Variants in MICU1 observed in about 807,000 individuals in gnomAD.
MICU1 encodes the protein mitochondrial calcium uptake 1, also known as calcium uptake protein 1, mitochondrial.
MICU1 carries 45 observed loss-of-function variants against 56.8 expected under a neutral mutation model. The observed-to-expected ratio is 0.79, with a 90% CI of 0.62 to 1.02. The LOEUF (loss-of-function observed/expected upper bound fraction) is 1.02. Among genes scored for constraint, MICU1 ranks in the 50% least tolerant of loss-of-function variants. The probability of loss-of-function intolerance (pLI) is 0.00; values close to 1 mark genes in which losing one functional copy is unlikely to be tolerated. For synonymous variants in MICU1, 186 were observed against 195.1 expected (o/e 0.95, Z 0.39); for missense variants, 504 against 587.1 (o/e 0.86, Z 1.46).
chr10:72,566,316 G>T (rs1840438082), intron 2 of MICU1, among the ~76,000 whole-genome samples: 1 of 152,084 alleles, frequency 6.6e-6, no homozygotes, highest in Non-Finnish European at 1.5e-5. Context: ...AAAGTGCTGG[G>T]ATTACAGGTG....
Position 72,477,257 on chromosome 10 carries a change from C to A in MICU1, c.653-1G>T. The A allele has an allele frequency of 6.5e-7, 1 of 1,538,108 alleles. No homozygotes were observed. Among genetic ancestry groups the A allele is most frequent in the Non-Finnish European group, 8.7e-7 (1 of 1,143,546 alleles). ...GCAATTTCAAAATTTCTCTGAGGAG[C>A]TGCAGAGGAGAGAAAAAAAATATTT... On this transcript the variant is annotated splice_acceptor_variant, in intron 6 of 11. Coordinates refer to ENST00000361114, the MANE Select transcript of MICU1 (RefSeq NM_001195518.2). LOFTEE classifies it high-confidence loss of function.
chr10:72,611,638 G>A (rs868861879), intron 1 of MICU1, among the ~76,000 whole-genome samples: 1 of 151,804 alleles, frequency 6.6e-6, no homozygotes, highest in Admixed American at 6.6e-5. Context: ...AGATAAAAGT[G>A]AAAAGAAAGA....
chr10:72,527,887 T>C (rs1320351312), intron 5 of MICU1, among the ~76,000 whole-genome samples: 1 of 152,184 alleles, frequency 6.6e-6, no homozygotes, highest in Non-Finnish European at 1.5e-5. Context: ...AGTGCAGTGA[T>C]GCCAATCCAA....
In MICU1 at chr10:72,498,588, A is replaced by AAAAG. The variant is rs377198886; in HGVS notation, c.652+9563_652+9566dup. 4.2e-3 allele frequency among the ~76,000 whole-genome samples: 644 copies of AAAAG among 152,254 alleles called. 3 individuals are homozygous for AAAAG. The highest frequency in any genetic ancestry group is 0.014 in the Middle Eastern group (4 of 294). On this transcript the variant is annotated intron_variant, in intron 6 of 11. Transcript: ENST00000361114. ...GTGACAGAATAAGACTCTGTATCAA[A>AAAAG]AAAGAAAGAAAGAAAGAAAAAAAGA...
intron 8 of MICU1, among the ~76,000 whole-genome samples, chr10:72,429,533 A>T (rs1864459826): frequency 6.6e-6 from 1 of 152,232 alleles, no homozygotes; most frequent in African/African-American, 2.4e-5. Context: ...TTGAAGCAGA[A>T]CACCAACTTA....
chr10:72,484,368 T>C (rs1207558033), intron 6 of MICU1, among the ~76,000 whole-genome samples: 1 of 149,624 alleles, frequency 6.7e-6, no homozygotes, highest in Non-Finnish European at 1.5e-5. Flanking sequence ...TAACACAGAA[T>C]TAAAAAAAAA....
intron 1 of MICU1, among the ~76,000 whole-genome samples, chr10:72,588,749 C>T (rs2132523042): frequency 6.6e-6 from 1 of 152,310 alleles, no homozygotes; most frequent in African/African-American, 2.4e-5. Context: ...GGATGTTTAG[C>T]ACCACCTCTG....
chr10:72,488,338 T>C (rs1354557641), intron 6 of MICU1, among the ~76,000 whole-genome samples: 2 of 152,268 alleles, frequency 1.3e-5, no homozygotes, highest in South Asian at 4.1e-4. Context: ...AAAGTACTTC[T>C]GTAATATGGC....
rs1253318101 is a variant in MICU1 at position 72,446,876 on chromosome 10, T to C, written c.934-23505A>G. 3.9e-5 allele frequency among the ~76,000 whole-genome samples: 6 copies of C among 152,180 alleles called. No individual in the cohort carries two copies. In the East Asian group the frequency reaches 1.2e-3, roughly 29 times the overall value. On this transcript the variant is annotated intron_variant, in intron 8 of 11. Transcript: ENST00000361114. Reference sequence around the variant, plus strand: ...TGAACAAAAGCTGCAAGTAATAAGTTTGTGGTCACACTTGCTTCTGTTAAC... The same window carrying C: ...TGAACAAAAGCTGCAAGTAATAAGTCTGTGGTCACACTTGCTTCTGTTAAC...
At chr10:72,540,521 A>T (rs893956280) in intron 4 of MICU1, among the ~76,000 whole-genome samples, 1 of 152,058 alleles carries the variant, frequency 6.6e-6, no homozygotes, top group Non-Finnish European at 1.5e-5. Flanking sequence ...CAAAAAAAAA[A>T]TTTAATTAGC....
chr10:72,488,542 A>G (rs1866548901), intron 6 of MICU1, among the ~76,000 whole-genome samples: 1 of 152,224 alleles, frequency 6.6e-6, no homozygotes. Flanking sequence ...GATACTATAA[A>G]TGTCTTCCTA....
intron 1 of MICU1, among the ~76,000 whole-genome samples, chr10:72,586,013 C>CTTTTTTT (rs71021511): frequency 5.1e-4 from 38 of 74,712 alleles, no homozygotes; most frequent in Middle Eastern, 0.014. Context: ...TTTTTTTTTT[C>CTTTTTTT]TTTTTTTTTT....
At chr10:72,491,461 C>T (rs950031846) in intron 6 of MICU1, among the ~76,000 whole-genome samples, 3 of 152,148 alleles carry the variant, frequency 2.0e-5, no homozygotes, top group African/African-American at 7.2e-5. Flanking sequence ...CCCATGGATT[C>T]ATATTCACCC....
At chr10:72,495,122 C>T (rs1866794252) in intron 6 of MICU1, among the ~76,000 whole-genome samples, 2 of 152,070 alleles carry the variant, frequency 1.3e-5, no homozygotes, top group Non-Finnish European at 2.9e-5. Flanking sequence ...TTCTAGAAGG[C>T]AAGCCAGTGC....
At chr10:72,609,821 G>A (rs1841793790) in intron 1 of MICU1, among the ~76,000 whole-genome samples, 1 of 151,118 alleles carries the variant, frequency 6.6e-6, no homozygotes, top group South Asian at 2.1e-4. Context: ...GGATCACGAG[G>A]TCAGGAGTTC....
At chr10:72,498,384 G>A (rs572083000) in intron 6 of MICU1, among the ~76,000 whole-genome samples, 4 of 152,234 alleles carry the variant, frequency 2.6e-5, no homozygotes, top group Admixed American at 6.5e-5. Flanking sequence ...TCAGGAGGTC[G>A]AGACCAGCCT....
At chr10:72,532,704 T>C (rs1839521889) in intron 5 of MICU1, 2 of 256,856 alleles carry the variant, frequency 7.8e-6, no homozygotes, top group Non-Finnish European at 6.1e-6. Flanking sequence ...ATCATTCTTT[T>C]AGAATATGTG....
intron 6 of MICU1, among the ~76,000 whole-genome samples, chr10:72,478,788 A>C (rs1391075418): frequency 2.6e-5 from 4 of 152,092 alleles, no homozygotes; most frequent in Non-Finnish European, 4.4e-5. Context: ...CTTGATATTG[A>C]CTTCCAATAG....
intron 10 of MICU1, among the ~76,000 whole-genome samples, chr10:72,394,831 A>C (rs1589166671): frequency 6.6e-6 from 1 of 152,114 alleles, no homozygotes; most frequent in East Asian, 1.9e-4. Context: ...ATAAATGTAA[A>C]AAAGAAAAAT....
Sources: gnomAD v4.1 joint callset for allele counts (sites outside exome capture counted in the v4.1 genomes callset) on GRCh38, gnomAD v4.1.1 for gene constraint, MANE v1.5 for transcripts, NCBI Gene and HGNC (gene_info 2026-07-23, HGNC 2026-07-21) for gene names.